Variants in ERFL observed in about 807,000 individuals in gnomAD.
The protein encoded by ERFL is ETS repressor factor like, also known as ETS domain-containing transcription factor ERF-like.
A neutral mutation model predicts 27.9 loss-of-function variants in ERFL; 8 were observed. The ratio of observed to expected loss-of-function variants is 0.29; its 90% CI spans 0.17 to 0.52. The LOEUF (loss-of-function observed/expected upper bound fraction) is 0.52, where lower values mean the gene tolerates loss of function less well. Among genes scored for constraint, ERFL ranks in the 20% least tolerant of loss-of-function variants. ERFL has a pLI of 0.97. For synonymous variants in ERFL, 174 were observed against 202.8 expected (o/e 0.86, Z 1.21); for missense variants, 294 against 444.4 (o/e 0.66, Z 3.04).
intron 1 of ERFL, among the ~76,000 whole-genome samples, chr19:41,925,789 C>A (rs74559840): frequency 5.3e-4 from 81 of 152,152 alleles, no homozygotes; most frequent in Non-Finnish European, 9.0e-4. Flanking sequence ...GACAGGTGTG[C>A]TCTTAGGTGA....
chr19:41,913,577 G>A (rs1021712807), intron 1 of ERFL, among the ~76,000 whole-genome samples: 8 of 151,218 alleles, frequency 5.3e-5, no homozygotes, highest in African/African-American at 1.9e-4. Flanking sequence ...CCAGCGCCCT[G>A]CAGGAGGCCT....
chr19:41,920,118 C>G (rs1178592437), intron 1 of ERFL, among the ~76,000 whole-genome samples: 1 of 117,318 alleles, frequency 8.5e-6, no homozygotes, highest in Non-Finnish European at 1.7e-5. Context: ...ACAGACATGA[C>G]ACGCTCACAC....
At position 41,907,905 on chromosome 19, in the gene ERFL, C is replaced by CACAA. The variant is rs10678871; in HGVS notation, c.*319_*322dup. The CACAA allele has an allele frequency of 0.14, 35,033 of 247,572 alleles. 10,312 individuals are homozygous for CACAA. Among genetic ancestry groups the CACAA allele is most frequent in the African/African-American group, 0.71 (27,505 of 38,758 alleles). 15.3% of individuals were successfully genotyped at this position (247,572 alleles called of 1,614,324 possible). On this transcript the variant is annotated 3_prime_UTR_variant, in exon 6 of 6. Transcript: ENST00000597630. Reference sequence around the variant, plus strand: ...CACAGGGGGTTTGGAGACACGGCCACACAAACACTTGGGGCATAGCACAGG... The same window carrying CACAA: ...CACAGGGGGTTTGGAGACACGGCCACACAAACAAACACTTGGGGCATAGCACAGG...
intron 1 of ERFL, among the ~76,000 whole-genome samples, chr19:41,924,186 A>T (rs1409682725): frequency 2.0e-5 from 3 of 151,686 alleles, no homozygotes; most frequent in Non-Finnish European, 4.4e-5. Flanking sequence ...AAGTGTCACC[A>T]AAGTCCCTAG....
chr19:41,912,719 G>T (rs2074760671), intron 2 of ERFL, 134 bp downstream of exon 2: 1 of 401,892 alleles, frequency 2.5e-6, no homozygotes, highest in East Asian at 3.6e-5. Flanking sequence ...TGATTTGGGG[G>T]ACTGACCAAG....
chr19:41,909,743 A>T lies in ERFL; in HGVS notation c.302+120T>A. On this transcript the variant is annotated intron_variant, in intron 3 of 5. Coordinates refer to ENST00000597630, the MANE Select transcript of ERFL (RefSeq NM_001365103.2). This position sits in a 1 kb window ranked among gnomAD's most constrained non-coding sequence, Gnocchi z 5.2. ...TCACAAGTAGCGATGGTGGCTACTC[A>T]CGCACAGCCCTGTGCCTTGTGGGAT... The T allele has an allele frequency of 2.6e-6, 3 of 1,143,716 alleles. No homozygotes were observed. Among genetic ancestry groups the T allele is most frequent in the Admixed American group, 2.8e-5 (1 of 36,212 alleles). 70.8% of individuals were successfully genotyped at this position (1,143,716 alleles called of 1,614,324 possible).
chr19:41,909,848 CA>C lies in ERFL; in HGVS notation c.302+14del. ...AAAAGGACAAGGTGGGATCCAGCCC[CA>C]AGCCCTTCCTCACCGCAGGGCCCGG... On this transcript the variant is annotated intron_variant, in intron 3 of 5. Coordinates refer to ENST00000597630, the MANE Select transcript of ERFL (RefSeq NM_001365103.2). The surrounding 1 kb of genome is among the most constrained non-coding windows in gnomAD (Gnocchi z 5.2). The C allele has an allele frequency of 6.3e-7, 1 of 1,596,774 alleles. No individual in the cohort carries two copies. Among genetic ancestry groups the C allele is most frequent in the Non-Finnish European group, 8.5e-7 (1 of 1,170,794 alleles).
chr19:41,924,346 A>G (rs1445062868), intron 1 of ERFL, among the ~76,000 whole-genome samples: 3 of 152,090 alleles, frequency 2.0e-5, no homozygotes, highest in Non-Finnish European at 4.4e-5. Context: ...TGGGACCTCA[A>G]AGAAACTCTC....
rs191434188 is a variant in ERFL, at chr19:41,909,069, G to C, written c.607C>G (p.Leu203Val). ...ACCTCCAGGCTCTTACCAGAGCCCA[G>C]GAATGGGAAAGGGCTGTCCAGACGC... ...KLRLDSPFPF[L>V]GSGATSYSKP... The change falls in exon 5 of 6, where the codon CTG becomes GTG. Residue 203 changes from leucine (L) to valine (V), a missense_variant. Leu to Val is a conservative substitution (Grantham distance 32). This residue lies in a region of ERFL where 246 missense variants were observed against 371.4 expected (regional missense o/e 0.66). Transcript: ENST00000597630. The surrounding 1 kb of genome is among the most constrained non-coding windows in gnomAD (Gnocchi z 5.2). The C allele has an allele frequency of 3.0e-4, 364 of 1,231,366 alleles. No individual in the cohort carries two copies. The African/African-American group carries it at 4.9e-3, about 17-fold the overall frequency. 76.3% of individuals were successfully genotyped at this position (1,231,366 alleles called of 1,614,324 possible). A position where few individuals can be genotyped will look rare whatever the true frequency, so the allele number is the denominator to read the frequency against.
intron 1 of ERFL, among the ~76,000 whole-genome samples, chr19:41,919,280 C>T (rs1219785461): frequency 1.3e-5 from 2 of 152,190 alleles, no homozygotes; most frequent in African/African-American, 4.8e-5. Context: ...ACACCAGAAA[C>T]AGCTTCACAC....
At chr19:41,915,069 C>G (rs562217571) in intron 1 of ERFL, among the ~76,000 whole-genome samples, 1 of 113,740 alleles carries the variant, frequency 8.8e-6, no homozygotes. Context: ...ACCTCTCCCC[C>G]ACCCATCGCT....
chr19:41,919,950 C>G (rs781960190), intron 1 of ERFL, among the ~76,000 whole-genome samples: 1 of 142,698 alleles, frequency 7.0e-6, no homozygotes, highest in Admixed American at 7.2e-5. Context: ...TACGCCCAGA[C>G]GTGACGAACT....
intron 1 of ERFL, among the ~76,000 whole-genome samples, chr19:41,918,835 C>T (rs1490748073): frequency 1.3e-5 from 2 of 149,308 alleles, no homozygotes; most frequent in African/African-American, 4.9e-5. Flanking sequence ...ATACGCCACA[C>T]ATGCTACACT....
chr19:41,920,232 G>T (rs782450236), intron 1 of ERFL, among the ~76,000 whole-genome samples: 3 of 103,110 alleles, frequency 2.9e-5, no homozygotes, highest in Non-Finnish European at 5.6e-5. Flanking sequence ...ACACTCAGAC[G>T]TGACGTGCTC....
chr19:41,918,934 A>C (rs932270158), intron 1 of ERFL, among the ~76,000 whole-genome samples: 1 of 148,520 alleles, frequency 6.7e-6, no homozygotes, highest in Non-Finnish European at 1.5e-5. Context: ...TGCACACCAC[A>C]TACACTACTC....
intron 1 of ERFL, among the ~76,000 whole-genome samples, chr19:41,913,870 C>T (rs545603612): frequency 9.3e-5 from 14 of 151,216 alleles, no homozygotes; most frequent in South Asian, 4.2e-4. Context: ...CTCGCGCTCC[C>T]GAGACCCCTC....
chr19:41,928,246 G>T lies in ERFL; in HGVS notation c.-220C>A. ...GCCGGGACAGGAGAGACTCAGAGAC[G>T]GAGAGACAGCCAAGGAGACAGAGAC... On this transcript the variant is annotated 5_prime_UTR_variant, in exon 1 of 6. Transcript: ENST00000597630. 6.6e-6 allele frequency: 1 copy of T among 152,278 alleles called. No homozygotes were observed. The highest frequency in any genetic ancestry group is 1.9e-4 in the East Asian group (1 of 5,146). The allele number at this position is 152,278 out of a possible 1,614,324, so 9.4% of individuals were successfully genotyped here. A position where few individuals can be genotyped will look rare whatever the true frequency, so the allele number is the denominator to read the frequency against.
chr19:41,917,651 C>T lies in ERFL; in HGVS notation c.-13-4719G>A, dbSNP rs1318683537. Among the ~76,000 whole-genome samples the T allele has an allele frequency of 1.3e-5, 2 of 151,902 alleles. No homozygotes were observed. The highest frequency in any genetic ancestry group is 6.6e-5 in the Admixed American group (1 of 15,254). Reference sequence around the variant, plus strand: ...CACACCATGCCCCAAAGCACACGCACGCACGCACACACACACCCTGACTGC... The same window carrying T: ...CACACCATGCCCCAAAGCACACGCATGCACGCACACACACACCCTGACTGC... On this transcript the variant is annotated intron_variant, in intron 1 of 5. Coordinates refer to ENST00000597630, the MANE Select transcript of ERFL (RefSeq NM_001365103.2). This position sits in a 1 kb window ranked among gnomAD's most constrained non-coding sequence, Gnocchi z 4.8.
chr19:41,912,932 C>T lies in ERFL; in HGVS notation c.-13G>A. 3.3e-6 allele frequency: 4 copies of T among 1,226,752 alleles called. No homozygotes were observed. Among genetic ancestry groups the T allele is most frequent in the Non-Finnish European group, 4.1e-6 (4 of 983,468 alleles). The allele number at this position is 1,226,752 out of a possible 1,614,324, so 76.0% of individuals were successfully genotyped here. A position where few individuals can be genotyped will look rare whatever the true frequency, so the allele number is the denominator to read the frequency against. ...AGCTACAGTCCATGGCGGAGCCGGCCCTGCAGAGGCCGGGAGGGACACACG... is the reference window on the plus strand; with the variant it reads ...AGCTACAGTCCATGGCGGAGCCGGCTCTGCAGAGGCCGGGAGGGACACACG... On this transcript the variant is annotated splice_region_variant and 5_prime_UTR_variant, in exon 2 of 6. Coordinates refer to ENST00000597630, the MANE Select transcript of ERFL (RefSeq NM_001365103.2).
Sources: allele counts gnomAD v4.1 joint callset (sites outside exome capture counted in the v4.1 genomes callset), GRCh38; gene constraint gnomAD v4.1.1; regional missense constraint gnomAD v4.1.1; non-coding constraint Gnocchi (gnomAD v3.1); transcripts MANE v1.5; gene names NCBI Gene and HGNC (gene_info 2026-07-23, HGNC 2026-07-21).